LRRK1: variants seen among roughly 807,000 people sequenced by gnomAD.
LRRK1 encodes the protein leucine-rich repeat serine/threonine-protein kinase 1.
Under a neutral mutation model 209.1 loss-of-function variants are expected in LRRK1, and 113 were observed. That is an observed-to-expected ratio of 0.54 (90% confidence interval 0.46 to 0.63). The LOEUF (loss-of-function observed/expected upper bound fraction) is 0.63. Among genes scored for constraint, LRRK1 ranks in the 30% least tolerant of loss-of-function variants. The pLI, the probability that LRRK1 is intolerant of heterozygous loss-of-function variation, is 0.00. For synonymous variants in LRRK1, 1,144 were observed against 1,099.7 expected, an observed-to-expected ratio of 1.04 and a Z score of -0.80; for missense variants, 2,284 against 2,632.2, an observed-to-expected ratio of 0.87 and a Z score of 2.89.
rs1471655500 is a variant in LRRK1, at chr15:101,022,401, C to T, written c.1871C>T (p.Ser624Phe). The change falls in exon 15 of 34, where the codon TCT (serine) becomes TTT (phenylalanine). Residue 624 changes from serine to phenylalanine, a missense_variant. Ser to Phe is a radical substitution (Grantham distance 155). Transcript: ENST00000388948. This position sits in a 1 kb window ranked among gnomAD's most constrained non-coding sequence, Gnocchi z 4.0. ...TGCACAGGCCCCAAAGCAATGCTGT[C>T]TTACCTGCGTGCTCAGCTGCGGAAA... ...IQKEGPKAML[S>F]YLRAQLRKAE... 1 of 1,614,128 alleles carries T rather than the reference C, an allele frequency of 6.2e-7. No individual in the cohort carries two copies.
chr15:100,941,913 C>T (rs934644554), intron 2 of LRRK1, among the ~76,000 whole-genome samples: 49 of 152,192 alleles, frequency 3.2e-4, no homozygotes, highest in African/African-American at 1.2e-3. Flanking sequence ...TCCCAGTCGC[C>T]CTGCTGGTGA....
At chr15:101,025,402 G>A (rs766787570) in intron 16 of LRRK1, among the ~76,000 whole-genome samples, 3 of 152,202 alleles carry the variant, frequency 2.0e-5, no homozygotes, top group African/African-American at 7.2e-5. Flanking sequence ...AGGAGCACAG[G>A]TGCTGCCTGG....
Position 101,008,856 on chromosome 15 carries a change from C to G in LRRK1, c.782C>G (p.Ser261Cys). 2.5e-6 allele frequency: 4 copies of G among 1,613,798 alleles called. No individual in the cohort carries two copies. Among genetic ancestry groups the G allele is most frequent in the Non-Finnish European group, 3.4e-6 (4 of 1,179,632 alleles). ...PGKTALRVKWSHLRLPWVDLD... is the reference protein window; with the variant it reads ...PGKTALRVKWCHLRLPWVDLD... ...CACCAGGCTCTCCGTGTGAAATGGT[C>G]CCATCTCAGACTGCCCTGGGTAGAC... The change falls in exon 7 of 34, where the codon TCC becomes TGC. Residue 261 changes from serine (S) to cysteine (C), a missense_variant. This residue lies in a region of LRRK1 where 494 missense variants were observed against 522.1 expected (regional missense o/e 0.95). Transcript: ENST00000388948.
At chr15:101,066,915 A>G (rs2036560441) in intron 33 of LRRK1, among the ~76,000 whole-genome samples, 174 bp downstream of exon 33, 1 of 152,190 alleles carries the variant, frequency 6.6e-6, no homozygotes. Context: ...GACAGCTCCT[A>G]GGGGCTCCGC....
chr15:101,021,786 GTGTGTGTGTGT>G lies in LRRK1; in HGVS notation c.1740-58_1740-48del. On this transcript the variant is annotated intron_variant, in intron 13 of 33. Transcript: ENST00000388948. ...GAGCCACGTGTGTGCGTGTGTGTGTGTGTGTGTGTGTGTGTGTGTGTGTGTGTATTCTCTCG... is the reference window on the plus strand; with the variant it reads ...GAGCCACGTGTGTGCGTGTGTGTGTGGTGTGTGTGTGTGTGTATTCTCTCG... 6.5e-5 allele frequency: 5 copies of G among 76,710 alleles called. No individual in the cohort carries two copies. The Admixed American group carries it at 8.7e-4, about 13-fold the overall frequency. The allele number at this position is 76,710 out of a possible 1,614,324, so 4.8% of individuals were successfully genotyped here. A position where few individuals can be genotyped will look rare whatever the true frequency, so the allele number is the denominator to read the frequency against.
At position 101,027,595 on chromosome 15, in the gene LRRK1, C is replaced by T. The variant is rs2034095886; in HGVS notation, c.2527-43C>T. 1.3e-6 allele frequency: 2 copies of T among 1,593,840 alleles called. No individual in the cohort carries two copies. Among genetic ancestry groups the T allele is most frequent in the South Asian group, 1.1e-5 (1 of 88,012 alleles). ...GGATCTGCCCAAGCTGGCAGGTGTG[C>T]CTTGGGACCTGAGAGACCCTGCCTC... On this transcript the variant is annotated intron_variant, in intron 18 of 33. Coordinates refer to ENST00000388948, the MANE Select transcript of LRRK1 (RefSeq NM_024652.6). The surrounding 1 kb of genome is among the most constrained non-coding windows in gnomAD (Gnocchi z 5.1).
intron 1 of LRRK1, among the ~76,000 whole-genome samples, chr15:100,921,246 C>T (rs2042016478): frequency 6.6e-6 from 1 of 152,158 alleles, no homozygotes; most frequent in African/African-American, 2.4e-5. Context: ...GAATGGACAA[C>T]CCTAACTTAC....
chr15:101,068,762 G>C lies in LRRK1; in HGVS notation c.5962G>C (p.Gly1988Arg). The C allele has an allele frequency of 6.2e-7, 1 of 1,613,934 alleles. No individual in the cohort carries two copies. The highest frequency in any genetic ancestry group is 8.5e-7 in the Non-Finnish European group (1 of 1,179,920). The change falls in exon 34 of 34, where the codon GGC (glycine) becomes CGC (arginine). Residue 1988 changes from glycine to arginine, a missense_variant. Transcript: ENST00000388948. Reference protein sequence around the residue: ...NTEWCLAVWRGWGAREFDIFY... With the variant: ...NTEWCLAVWRRWGAREFDIFY... ...AGAGTGGTGCCTGGCCGTCTGGAGG[G>C]GCTGGGGCGCCAGGGAGTTCGACAT...
In LRRK1 at chr15:101,070,627, G is replaced by C. The variant is rs1024546050; in HGVS notation, c.*1779G>C. On this transcript the variant is annotated 3_prime_UTR_variant, in exon 34 of 34. Coordinates refer to ENST00000388948, the MANE Select transcript of LRRK1 (RefSeq NM_024652.6). Reference sequence around the variant, plus strand: ...CCAGCCCCAGGCCTCACAGAGCCAGGGGAGGGGATCTCATCACATCACAGT... The same window carrying C: ...CCAGCCCCAGGCCTCACAGAGCCAGCGGAGGGGATCTCATCACATCACAGT... The C allele has an allele frequency of 6.6e-6, 1 of 152,050 alleles. No homozygotes were observed. The highest frequency in any genetic ancestry group is 1.9e-4 in the East Asian group (1 of 5,192). 9.4% of individuals were successfully genotyped at this position (152,050 alleles called of 1,614,324 possible).
rs1266148439 is a variant in LRRK1, at chr15:101,053,087, A to G, written c.3855A>G (p.Ala1285=). Residue 1285 remains alanine (A), a splice_region_variant and synonymous_variant, in exon 25 of 34, where the codon GCA becomes GCG. Coordinates refer to ENST00000388948, the MANE Select transcript of LRRK1 (RefSeq NM_024652.6). ...KKFKNFANVP[A]DTMLRHLRAT... is the part of the protein sequence containing the mutation. The stretch of plus-strand genomic sequence containing the variant: ...TCAAGAACTTTGCTAACGTACCGGC[A>G]GGTAAGCGGGTCCCAGGTTGGTGCT... The G allele has an allele frequency of 1.2e-6, 2 of 1,605,062 alleles. No individual in the cohort carries two copies. Among genetic ancestry groups the G allele is most frequent in the Non-Finnish European group, 1.7e-6 (2 of 1,174,550 alleles).
intron 23 of LRRK1, among the ~76,000 whole-genome samples, chr15:101,051,075 C>G (rs1181861316): frequency 1.3e-5 from 2 of 152,216 alleles, no homozygotes; most frequent in Non-Finnish European, 2.9e-5. Context: ...GGATGCCTTA[C>G]ACATGGACCT....
At chr15:101,035,332 G>A (rs1004040040) in intron 20 of LRRK1, among the ~76,000 whole-genome samples, 1 of 151,978 alleles carries the variant, frequency 6.6e-6, no homozygotes, top group African/African-American at 2.4e-5. Flanking sequence ...TTATGAATCT[G>A]GGTGCTCCAA....
In LRRK1 at chr15:101,073,984, T is replaced by C. The variant is rs1167228892; in HGVS notation, c.*5136T>C. 3 of 152,156 alleles carry C rather than the reference T, an allele frequency of 2.0e-5. No homozygotes were observed. Among genetic ancestry groups the C allele is most frequent in the African/African-American group, 7.2e-5 (3 of 41,440 alleles). 9.4% of individuals were successfully genotyped at this position (152,156 alleles called of 1,614,324 possible). A position where few individuals can be genotyped will look rare whatever the true frequency, so the allele number is the denominator to read the frequency against. The stretch of plus-strand genomic sequence containing the variant: ...GAAAACAGCACTTTCAATTTTTCCA[T>C]CCTGCAAGATCTAAATAATTCTTGT... On this transcript the variant is annotated 3_prime_UTR_variant, in exon 34 of 34. Coordinates refer to ENST00000388948, the MANE Select transcript of LRRK1 (RefSeq NM_024652.6).
intron 31 of LRRK1, among the ~76,000 whole-genome samples, chr15:101,063,072 CAGGTCCTGG>C (rs1029475768): frequency 4.6e-5 from 7 of 152,200 alleles, no homozygotes; most frequent in African/African-American, 1.7e-4. Flanking sequence ...ACTTGATCAC[CAGGTCCTGG>C]AGGTCCTGAT....
intron 29 of LRRK1, among the ~76,000 whole-genome samples, chr15:101,059,114 G>GCCT (rs1355673657): frequency 5.3e-5 from 8 of 152,202 alleles, no homozygotes; most frequent in African/African-American, 1.7e-4. Flanking sequence ...TTCTGACCAG[G>GCCT]CCTTGTGGCT....
chr15:100,926,771 A>G (rs1596152351), intron 2 of LRRK1, among the ~76,000 whole-genome samples: 1 of 121,154 alleles, frequency 8.3e-6, no homozygotes, highest in South Asian at 2.5e-4. Context: ...TGCAACTTCC[A>G]CCTCCCAGGT....
chr15:100,958,135 C>T (rs1037363979), intron 2 of LRRK1, among the ~76,000 whole-genome samples: 8 of 152,238 alleles, frequency 5.3e-5, no homozygotes, highest in African/African-American at 1.9e-4. Flanking sequence ...GGATTACAGG[C>T]ATGAACCCCC....
chr15:101,066,772 C>T (rs889279133), intron 33 of LRRK1, 31 bp downstream of exon 33: 7 of 1,557,976 alleles, frequency 4.5e-6, no homozygotes, highest in Non-Finnish European at 4.4e-6. Flanking sequence ...CTTTAGGACC[C>T]AGGCAGCAGC....
intron 2 of LRRK1, among the ~76,000 whole-genome samples, chr15:100,962,814 T>TATACACATATATATATATATAC (rs2030118574): frequency 2.9e-5 from 1 of 33,958 alleles, no homozygotes; most frequent in Non-Finnish European, 6.6e-5. Flanking sequence ...TATATATATA[T>TATACACATATATATATATATAC]ATATATATAT....
Sources: gnomAD v4.1 joint callset for allele counts (sites outside exome capture counted in the v4.1 genomes callset) on GRCh38, gnomAD v4.1.1 for gene constraint, gnomAD v4.1.1 regional missense constraint, Gnocchi (gnomAD v3.1) non-coding constraint, MANE v1.5 for transcripts, NCBI Gene and HGNC (gene_info 2026-07-23, HGNC 2026-07-21) for gene names.